The following PLCXD2 variants were observed in gnomAD, a reference collection of about 807,000 sequenced individuals.
PLCXD2 encodes the protein PI-PLC X domain-containing protein 2.
Under a neutral mutation model 28.6 loss-of-function variants are expected in PLCXD2, and 21 were observed. The ratio of observed to expected loss-of-function variants is 0.73; its 90% CI spans 0.52 to 1.06. The LOEUF (loss-of-function observed/expected upper bound fraction) is 1.06. Among genes scored for constraint, PLCXD2 ranks in the 50% least tolerant of loss-of-function variants. The pLI, the probability that PLCXD2 is intolerant of heterozygous loss-of-function variation, is 0.00. For synonymous variants in PLCXD2, 140 were observed against 150.1 expected (o/e 0.93, Z 0.49); for missense variants, 369 against 376.7 (o/e 0.98, Z 0.17).
chr3:111,721,683 C>T (rs1272763210), intron 3 of PLCXD2: 1 of 152,218 alleles, frequency 6.6e-6, no homozygotes, highest in Admixed American at 6.5e-5. Context: ...TGCCAGATAT[C>T]TTTTATTTAA....
At chr3:111,708,686 A>G (rs1001559107) in intron 2 of PLCXD2, among the ~76,000 whole-genome samples, 2 of 151,218 alleles carry the variant, frequency 1.3e-5, no homozygotes, top group Non-Finnish European at 3.0e-5. Flanking sequence ...GGTCATTACT[A>G]TTCTCTGTTT....
At chr3:111,710,163 C>T (rs10934102) in intron 2 of PLCXD2, among the ~76,000 whole-genome samples, 7,920 of 152,272 alleles carry the variant, frequency 0.052, 272 homozygotes, top group Middle Eastern at 0.075. Context: ...TTCGACACCA[C>T]GGAGGCTTCA....
intron 2 of PLCXD2, among the ~76,000 whole-genome samples, chr3:111,712,397 C>T (rs1454433955): frequency 6.6e-6 from 1 of 152,206 alleles, no homozygotes; most frequent in Admixed American, 6.5e-5. Flanking sequence ...CGGCTTTCCT[C>T]ACAGCCCCCA....
rs1290783500 is a variant in PLCXD2 at position 111,675,361 on chromosome 3, TC to T, written c.122del (p.Pro41LeufsTer47). The T allele has an allele frequency of 6.2e-7, 1 of 1,613,870 alleles. No individual in the cohort carries two copies. ...TGCAATGCCGACTGGATGGCCTCGCTCCCCCCTCACCTCCACAACCTCCCCC... is the reference window on the plus strand; with the variant it reads ...TGCAATGCCGACTGGATGGCCTCGCTCCCCCTCACCTCCACAACCTCCCCC... On this transcript the variant is annotated frameshift_variant, in exon 1 of 5. Transcript: ENST00000477665. LOFTEE classifies it high-confidence loss of function.
intron 1 of PLCXD2, among the ~76,000 whole-genome samples, chr3:111,679,898 C>A (rs904318868): frequency 3.9e-5 from 6 of 152,174 alleles, no homozygotes; most frequent in Non-Finnish European, 5.9e-5. Context: ...TGCTGCCTGG[C>A]TGCTGCCTCT....
chr3:111,720,383 C>G (rs1027724201), intron 3 of PLCXD2, among the ~76,000 whole-genome samples: 1 of 152,098 alleles, frequency 6.6e-6, no homozygotes, highest in Non-Finnish European at 1.5e-5. Context: ...GATCCACCCA[C>G]CTCAGCCCCC....
intron 1 of PLCXD2, chr3:111,677,512 A>T (rs1365398693): frequency 6.6e-6 from 1 of 152,194 alleles, no homozygotes; most frequent in East Asian, 1.9e-4. Context: ...GAGCACTACC[A>T]CGCAGGACCC....
chr3:111,706,688 C>G (rs1576461060), intron 1 of PLCXD2, among the ~76,000 whole-genome samples: 1 of 149,112 alleles, frequency 6.7e-6, no homozygotes, highest in Admixed American at 6.7e-5. Context: ...CCACAGAAAA[C>G]TCACTTCACC....
intron 1 of PLCXD2, among the ~76,000 whole-genome samples, chr3:111,680,350 GA>G (rs1940694160): frequency 1.3e-5 from 2 of 152,010 alleles, no homozygotes; most frequent in Non-Finnish European, 2.9e-5. Context: ...CTACTTTGAG[GA>G]TAGTATGAAC....
chr3:111,693,311 T>C (rs1940913429), intron 1 of PLCXD2, among the ~76,000 whole-genome samples: 1 of 152,152 alleles, frequency 6.6e-6, no homozygotes, highest in Non-Finnish European at 1.5e-5. Flanking sequence ...TTATAGAAAG[T>C]TCCTCATCAG....
intron 1 of PLCXD2, among the ~76,000 whole-genome samples, chr3:111,698,657 C>T (rs1336377610): frequency 6.6e-6 from 1 of 152,188 alleles, no homozygotes; most frequent in Non-Finnish European, 1.5e-5. Context: ...GGAATAGAAC[C>T]TTCCAGTACT....
At chr3:111,683,457 A>G (rs897506155) in intron 1 of PLCXD2, among the ~76,000 whole-genome samples, 3 of 152,216 alleles carry the variant, frequency 2.0e-5, no homozygotes, top group Non-Finnish European at 4.4e-5. Context: ...TTGGTCAGAA[A>G]TGGGTGGAAA....
chr3:111,725,118 T>C (rs890804895), intron 3 of PLCXD2: 1 of 152,212 alleles, frequency 6.6e-6, no homozygotes, highest in African/African-American at 2.4e-5. Flanking sequence ...TATAATGAAA[T>C]GTGTAGAGCT....
At chr3:111,695,119 A>G (rs929366216) in intron 1 of PLCXD2, among the ~76,000 whole-genome samples, 8 of 149,882 alleles carry the variant, frequency 5.3e-5, no homozygotes, top group Non-Finnish European at 1.0e-4. Flanking sequence ...TAGTGAGATA[A>G]TGTGTTTGAG....
At position 111,675,345 on chromosome 3, in the gene PLCXD2, G is replaced by T. The variant is rs745937766; in HGVS notation, c.100G>T (p.Asp34Tyr). ...GACATCATCGGAGGTCTGCAATGCC[G>T]ACTGGATGGCCTCGCTCCCCCCTCA... The change falls in exon 1 of 5, where the codon GAC becomes TAC. Residue 34 changes from aspartate (D) to tyrosine (Y), a missense_variant. Coordinates refer to ENST00000477665, the MANE Select transcript of PLCXD2 (RefSeq NM_001185106.1). 3.7e-6 allele frequency: 6 copies of T among 1,614,108 alleles called. No homozygotes were observed. The South Asian group carries it at 6.6e-5, about 18-fold the overall frequency.
intron 1 of PLCXD2, among the ~76,000 whole-genome samples, chr3:111,702,285 A>G (rs921823427): frequency 3.3e-5 from 5 of 152,206 alleles, no homozygotes; most frequent in African/African-American, 1.2e-4. Flanking sequence ...TGACTTGGCA[A>G]ACCCACATAG....
In PLCXD2 at chr3:111,714,099, T is replaced by C; in HGVS notation, c.837T>C (p.Val279=). 6.2e-7 allele frequency: 1 copy of C among 1,614,094 alleles called. No homozygotes were observed. Among genetic ancestry groups the C allele is most frequent in the Non-Finnish European group, 8.5e-7 (1 of 1,180,012 alleles). Reference sequence around the variant, plus strand: ...TGAAGACCATTGCCCGGGGCTTGGTTGGGGGCCTCAAGAACACGCTGGTTC... The same window carrying C: ...TGAAGACCATTGCCCGGGGCTTGGTCGGGGGCCTCAAGAACACGCTGGTTC... The change falls in exon 3 of 5, where the codon GTT becomes GTC. Residue 279 remains valine (V), a synonymous_variant. Transcript: ENST00000477665.
At chr3:111,684,245 G>T (rs1456288356) in intron 1 of PLCXD2, among the ~76,000 whole-genome samples, 6 of 150,142 alleles carry the variant, frequency 4.0e-5, no homozygotes, top group Admixed American at 3.3e-4. Context: ...CAGGAGAATC[G>T]CTTGAACCCG....
intron 3 of PLCXD2, chr3:111,722,504 C>A (rs531795624): frequency 1.2e-4 from 18 of 152,234 alleles, no homozygotes; most frequent in African/African-American, 4.1e-4. Context: ...CATAAGTAGA[C>A]CCTCCAGAAG....
Sources: allele counts gnomAD v4.1 joint callset (sites outside exome capture counted in the v4.1 genomes callset), GRCh38; gene constraint gnomAD v4.1.1; transcripts MANE v1.5; gene names NCBI Gene and HGNC (gene_info 2026-07-23, HGNC 2026-07-21).